WASF1: variants seen among roughly 807,000 people sequenced by gnomAD.
WASF1 encodes WASP family member 1, also known as actin-binding protein WASF1.
In WASF1, 7 loss-of-function variants were observed where a neutral mutation model predicts 50.5. The observed-to-expected ratio is 0.14, with a 90% confidence interval of 0.08 to 0.26. The LOEUF is 0.26. WASF1 is among the 10% of genes least tolerant of loss of function. The pLI is 1.00. For synonymous variants in WASF1, 205 were observed against 244.0 expected (o/e 0.84, Z 1.49); for missense variants, 470 against 694.7 (o/e 0.68, Z 3.64).
chr6:110,136,040 T>A (rs1023313180), intron 3 of WASF1, among the ~76,000 whole-genome samples: 4 of 151,602 alleles, frequency 2.6e-5, no homozygotes, highest in African/African-American at 9.7e-5. Context: ...CCTGCCACCA[T>A]GCCCAGCTAA....
At chr6:110,169,442 A>C (rs1397065313) in intron 2 of WASF1, among the ~76,000 whole-genome samples, 4 of 152,152 alleles carry the variant, frequency 2.6e-5, no homozygotes, top group African/African-American at 9.7e-5. Context: ...AAAGTACTGG[A>C]TTCTCCATTA....
intron 3 of WASF1, among the ~76,000 whole-genome samples, chr6:110,142,952 T>TA (rs5879060): frequency 0.85 from 101,279 of 119,202 alleles, 43,454 homozygotes; most frequent in Admixed American, 0.93. Flanking sequence ...CCCAATGATG[T>TA]AAAAAAAAAA....
In WASF1 at chr6:110,101,675, T is replaced by A. The variant is rs1773094475; in HGVS notation, c.1435A>T (p.Ile479Leu). 1.9e-6 allele frequency: 3 copies of A among 1,614,022 alleles called. No individual in the cohort carries two copies. The highest frequency in any genetic ancestry group is 2.5e-6 in the Non-Finnish European group (3 of 1,179,986). Residue 479 changes from isoleucine (I) to leucine (L), a missense_variant, in exon 10 of 11, where the codon ATA becomes TTA. Physicochemically the swap from Ile to Leu is conservative, Grantham distance 5 (BLOSUM62 2). Around this residue, in one of 3 missense-constraint regions of WASF1, gnomAD observed 294 missense variants for 343.5 expected, o/e 0.86. Coordinates refer to ENST00000392589, the MANE Select transcript of WASF1 (RefSeq NM_003931.3). ...TGGCGCTTTGGCTCAGAAGCAGGTA[T>A]AACTTGTGATGGAGGAGATGGAGGC... Reference protein sequence around the residue: ...LMPPSPPSQVIPASEPKRHPS... With the variant: ...LMPPSPPSQVLPASEPKRHPS...
chr6:110,163,575 T>C (rs1232961483), intron 2 of WASF1, among the ~76,000 whole-genome samples: 3 of 151,550 alleles, frequency 2.0e-5, no homozygotes, highest in Admixed American at 6.6e-5. Context: ...TGTCATCATA[T>C]GAATTTGGGG....
chr6:110,129,597 C>T (rs73535817), intron 3 of WASF1, among the ~76,000 whole-genome samples: 34,065 of 150,594 alleles, frequency 0.23, 6,126 homozygotes, highest in African/African-American at 0.48. Context: ...AAAGATAAAA[C>T]GTTGGAAGCT....
chr6:110,133,752 C>T (rs1041663610), intron 3 of WASF1, among the ~76,000 whole-genome samples: 5 of 151,758 alleles, frequency 3.3e-5, no homozygotes, highest in African/African-American at 1.2e-4. Context: ...TATTTGAGTT[C>T]ATTGTAGATT....
intron 4 of WASF1, among the ~76,000 whole-genome samples, chr6:110,114,738 G>A (rs941973219): frequency 2.0e-5 from 3 of 151,956 alleles, no homozygotes; most frequent in African/African-American, 7.3e-5. Context: ...TCAGCCAAGA[G>A]GCAGCAGATG....
chr6:110,112,093 C>CT (rs1404292156), intron 5 of WASF1, among the ~76,000 whole-genome samples: 4 of 151,276 alleles, frequency 2.6e-5, no homozygotes, highest in Admixed American at 6.6e-5. Flanking sequence ...TCAAAAGTAG[C>CT]TGGTTCCATC....
At chr6:110,147,199 AGCCGGGCGTGGT>A (rs1369689797) in intron 3 of WASF1, among the ~76,000 whole-genome samples, 1 of 152,066 alleles carries the variant, frequency 6.6e-6, no homozygotes, top group Non-Finnish European at 1.5e-5. Flanking sequence ...TACAAAAATT[AGCCGGGCGTGGT>A]GGCGGGCGCC....
intron 6 of WASF1, among the ~76,000 whole-genome samples, chr6:110,108,137 C>CAAAAA (rs369773397): frequency 3.2e-4 from 16 of 50,152 alleles, no homozygotes; most frequent in African/African-American, 8.1e-4. Flanking sequence ...GACTCCGCCT[C>CAAAAA]AAAAAAAAAA....
intron 5 of WASF1, among the ~76,000 whole-genome samples, chr6:110,109,290 T>G (rs1457280277): frequency 6.6e-6 from 1 of 152,208 alleles, no homozygotes; most frequent in Non-Finnish European, 1.5e-5. Context: ...TATAAGCTCT[T>G]GAAGACTCAG....
At chr6:110,145,472 C>T (rs1775511484) in intron 3 of WASF1, among the ~76,000 whole-genome samples, 1 of 152,062 alleles carries the variant, frequency 6.6e-6, no homozygotes, top group African/African-American at 2.4e-5. Context: ...GCCTGATTGC[C>T]CTGGCCAGAA....
In WASF1 at chr6:110,108,040, G is replaced by A. The variant is rs1205458053; in HGVS notation, c.422+488C>T. On this transcript the variant is annotated intron_variant, in intron 6 of 10. Transcript: ENST00000392589. Reference sequence around the variant, plus strand: ...TAGCCGGGCTTGGTGGCAGGCGCCTGTAGTCCCAGCTACTCGGTAGGCTGA... The same window carrying A: ...TAGCCGGGCTTGGTGGCAGGCGCCTATAGTCCCAGCTACTCGGTAGGCTGA... Among the ~76,000 whole-genome samples the A allele has an allele frequency of 2.1e-5, 3 of 143,726 alleles. No homozygotes were observed. In the East Asian group the frequency reaches 6.6e-4, roughly 32 times the overall value. 94.3% of individuals were successfully genotyped at this position (143,726 alleles called of 152,430 possible).
chr6:110,147,436 C>T (rs1265507435), intron 3 of WASF1, among the ~76,000 whole-genome samples: 2 of 151,670 alleles, frequency 1.3e-5, no homozygotes, highest in African/African-American at 4.8e-5. Context: ...TAACACATTG[C>T]TAAGCAAACT....
At chr6:110,152,863 T>C (rs1775885093) in intron 3 of WASF1, among the ~76,000 whole-genome samples, 1 of 152,220 alleles carries the variant, frequency 6.6e-6, no homozygotes, top group Non-Finnish European at 1.5e-5. Flanking sequence ...TACTGTGAAA[T>C]CATCACAATC....
In WASF1 at chr6:110,174,370, C is replaced by T. The variant is rs1027247575; in HGVS notation, c.-127+4228G>A. On this transcript the variant is annotated intron_variant, in intron 2 of 10. Coordinates refer to ENST00000392589, the MANE Select transcript of WASF1 (RefSeq NM_003931.3). ...GAATAGAGACCTGTCCTTTTTAGCA[C>T]CTACTTGGCCCTCAATAATTATGTG... is the stretch of plus-strand genomic sequence containing the variant. Among the ~76,000 whole-genome samples, 5 of 152,098 alleles carry T rather than the reference C, an allele frequency of 3.3e-5. No individual in the cohort carries two copies. The East Asian group carries it at 5.8e-4, about 18-fold the overall frequency.
intron 4 of WASF1, among the ~76,000 whole-genome samples, chr6:110,124,241 T>TCTCTCTCTCCTCCCTCTCTCTCC (rs1774294823): frequency 3.1e-5 from 1 of 32,764 alleles, no homozygotes; most frequent in Non-Finnish European, 5.3e-5. Context: ...CTCTCCTCTC[T>TCTCTCTCTCCTCCCTCTCTCTCC]CTCTCTCTCT....
At chr6:110,164,798 T>C (rs187981411) in intron 2 of WASF1, among the ~76,000 whole-genome samples, 132 of 151,546 alleles carry the variant, frequency 8.7e-4, no homozygotes, top group African/African-American at 3.1e-3. Context: ...AACCAACCAG[T>C]ATGTCCTCGA....
intron 3 of WASF1, among the ~76,000 whole-genome samples, chr6:110,154,827 G>A (rs1775987718): frequency 6.6e-6 from 1 of 151,926 alleles, no homozygotes; most frequent in African/African-American, 2.4e-5. Flanking sequence ...AAAAAATCAG[G>A]GAATTTGGAT....
Sources: gnomAD v4.1 joint callset for allele counts (sites outside exome capture counted in the v4.1 genomes callset) on GRCh38, gnomAD v4.1.1 for gene constraint, gnomAD v4.1.1 regional missense constraint, MANE v1.5 for transcripts, NCBI Gene and HGNC (gene_info 2026-07-23, HGNC 2026-07-21) for gene names.